The following LRP6 variants were observed in gnomAD, a reference collection of about 807,000 sequenced individuals.
LRP6 encodes the protein LDL receptor related protein 6.
Under a neutral mutation model 184.1 loss-of-function variants are expected in LRP6, and 43 were observed. The observed-to-expected ratio is 0.23, with a 90% CI of 0.18 to 0.30. The LOEUF is 0.30. Among genes scored for constraint, LRP6 ranks in the 10% least tolerant of loss-of-function variants. The probability of loss-of-function intolerance (pLI) is 1.00; values close to 1 mark genes in which losing one functional copy is unlikely to be tolerated. For missense variants in LRP6, 1,571 were observed against 2,005.3 expected, an observed-to-expected ratio of 0.78 and a Z score of 4.14; for synonymous variants, 719 against 684.9, an observed-to-expected ratio of 1.05 and a Z score of -0.78.
At chr12:12,140,795 G>A (rs976508409) in intron 15 of LRP6, among the ~76,000 whole-genome samples, 5 of 151,888 alleles carry the variant, frequency 3.3e-5, no homozygotes, top group Admixed American at 6.6e-5. Flanking sequence ...GTAGATATGG[G>A]GTTTCACCAT....
chr12:12,139,029 G>A, intron 15 of LRP6: 6 of 1,292,762 alleles, frequency 4.6e-6, no homozygotes, highest in Non-Finnish European at 6.1e-6. Flanking sequence ...CAGACTCTGA[G>A]GAGGCAACTT....
intron 7 of LRP6, among the ~76,000 whole-genome samples, chr12:12,169,629 A>T (rs1346975176): frequency 1.3e-5 from 2 of 152,222 alleles, no homozygotes; most frequent in African/African-American, 4.8e-5. Context: ...AGGTATTAAG[A>T]ATGGCACAGT....
intron 19 of LRP6, among the ~76,000 whole-genome samples, chr12:12,128,590 T>C (rs77678267): frequency 6.6e-6 from 1 of 152,304 alleles, no homozygotes; most frequent in Non-Finnish European, 1.5e-5. Context: ...TGATCAGTCA[T>C]TTCTCCTAGA....
intron 2 of LRP6, among the ~76,000 whole-genome samples, chr12:12,231,180 CAAAAAAAAAAA>C (rs10661340): frequency 9.3e-4 from 22 of 23,568 alleles, no homozygotes; most frequent in Middle Eastern, 0.036. Flanking sequence ...GACTCCATCT[CAAAAAAAAAAA>C]AAAAAAAAAA....
chr12:12,121,533 G>T, intron 22 of LRP6, 113 bp from the exon 23 acceptor site: 1 of 1,003,898 alleles, frequency 1.0e-6, no homozygotes, highest in Non-Finnish European at 1.5e-6. Flanking sequence ...ATAAGCTACT[G>T]CAATTTAAAT....
intron 15 of LRP6, among the ~76,000 whole-genome samples, chr12:12,141,885 G>T (rs1193965319): frequency 2.6e-5 from 4 of 152,194 alleles, no homozygotes; most frequent in Non-Finnish European, 5.9e-5. Flanking sequence ...ACTAGTCACA[G>T]GTGGGTCCTT....
At chr12:12,168,701 AAAAT>A (rs1455525185) in intron 7 of LRP6, among the ~76,000 whole-genome samples, 2 of 152,354 alleles carry the variant, frequency 1.3e-5, no homozygotes, top group East Asian at 3.9e-4. Context: ...AATTATGAAA[AAAAT>A]AAATAAACCA....
Position 12,120,914 on chromosome 12 carries a change from G to A in LRP6, c.*212C>T. The A allele has an allele frequency of 2.3e-6, 1 of 426,652 alleles. No homozygotes were observed. The highest frequency in any genetic ancestry group is 4.1e-6 in the Non-Finnish European group (1 of 246,498). The allele number at this position is 426,652 out of a possible 1,614,324, so 26.4% of individuals were successfully genotyped here. The stretch of plus-strand genomic sequence containing the variant: ...AATTTTTTTTATACAAACTTTTATG[G>A]CACAAGCAGCAAATCTGCTGTTTTA... On this transcript the variant is annotated 3_prime_UTR_variant, in exon 23 of 23. Coordinates refer to ENST00000261349, the MANE Select transcript of LRP6 (RefSeq NM_002336.3).
At chr12:12,155,510 A>G (rs1950139934) in intron 12 of LRP6, 2 of 792,500 alleles carry the variant, frequency 2.5e-6, no homozygotes, top group Non-Finnish European at 4.5e-6. Flanking sequence ...TAAGGGCAAG[A>G]TTCTTGCCAA....
chr12:12,187,405 T>C (rs548274704), intron 3 of LRP6: 34 of 433,156 alleles, frequency 7.8e-5, no homozygotes, highest in African/African-American at 6.6e-4. Context: ...CACTGCTTTT[T>C]CATTGTTTGC....
chr12:12,204,850 C>T (rs1225186058), intron 2 of LRP6, among the ~76,000 whole-genome samples: 1 of 150,742 alleles, frequency 6.6e-6, no homozygotes, highest in African/African-American at 2.4e-5. Context: ...GCCTGTTATC[C>T]CAGCTACTCG....
chr12:12,232,338 C>A (rs568829769), intron 2 of LRP6, among the ~76,000 whole-genome samples: 3 of 149,942 alleles, frequency 2.0e-5, no homozygotes, highest in African/African-American at 4.9e-5. Context: ...GAGCCGAGAT[C>A]GTACCACTGC....
In LRP6 at chr12:12,149,159, G is replaced by A. The variant is rs774378996; in HGVS notation, c.2995-6C>T. The A allele has an allele frequency of 2.5e-6, 4 of 1,611,688 alleles. No homozygotes were observed. In the East Asian group the frequency reaches 6.7e-5, roughly 27 times the overall value. On this transcript the variant is annotated splice_polypyrimidine_tract_variant and splice_region_variant and intron_variant, in intron 13 of 22. Transcript: ENST00000261349. ...CTCACAACCACAGTAAAGCCCTAGG[G>A]AAAAAAAGAAATACAGAGAAAATTA...
chr12:12,134,951 G>A (rs1311022781), intron 17 of LRP6, among the ~76,000 whole-genome samples: 1 of 152,154 alleles, frequency 6.6e-6, no homozygotes. Flanking sequence ...CACACGTGGA[G>A]TGTAAAAAAG....
chr12:12,242,361 A>G (rs1202789528), intron 2 of LRP6, among the ~76,000 whole-genome samples: 2 of 152,190 alleles, frequency 1.3e-5, no homozygotes, highest in Non-Finnish European at 2.9e-5. Flanking sequence ...GAACATAATA[A>G]CCATTTAACA....
intron 1 of LRP6, among the ~76,000 whole-genome samples, chr12:12,257,250 A>C (rs1865486950): frequency 6.6e-6 from 1 of 152,148 alleles, no homozygotes; most frequent in South Asian, 2.1e-4. Flanking sequence ...TTTTTACTGT[A>C]TGTGAATTAT....
Position 12,118,824 on chromosome 12 carries a change from T to C in LRP6, c.*2302A>G, listed in dbSNP as rs772842977. 7 of 151,592 alleles carry C rather than the reference T, an allele frequency of 4.6e-5. No individual in the cohort carries two copies. Among genetic ancestry groups the C allele is most frequent in the South Asian group, 4.1e-4 (2 of 4,824 alleles). 9.4% of individuals were successfully genotyped at this position (151,592 alleles called of 1,614,324 possible). A position where few individuals can be genotyped will look rare whatever the true frequency, so the allele number is the denominator to read the frequency against. On this transcript the variant is annotated 3_prime_UTR_variant, in exon 23 of 23. Transcript: ENST00000261349. ...AATTAGTATTTTGAAGAAGAGGCCA[T>C]TGCCATCGCAGTGCAAGCACGTGGA...
intron 19 of LRP6, among the ~76,000 whole-genome samples, chr12:12,127,958 T>C (rs1949696428): frequency 6.6e-6 from 1 of 152,202 alleles, no homozygotes; most frequent in South Asian, 2.1e-4. Flanking sequence ...AGACTCTTCT[T>C]AGTCCTTGAG....
intron 4 of LRP6, among the ~76,000 whole-genome samples, chr12:12,184,445 T>C (rs1234583387): frequency 1.3e-5 from 2 of 152,036 alleles, no homozygotes; most frequent in African/African-American, 4.8e-5. Context: ...TTGCACATTA[T>C]AGACAATAAG....
Sources: gnomAD v4.1 joint callset for allele counts (sites outside exome capture counted in the v4.1 genomes callset) on GRCh38, gnomAD v4.1.1 for gene constraint, MANE v1.5 for transcripts, NCBI Gene and HGNC (gene_info 2026-07-23, HGNC 2026-07-21) for gene names.